Variants in ARL15 observed in about 807,000 individuals in gnomAD.
ARL15 encodes ADP-ribosylation factor-like protein 15.
Under a neutral mutation model 25.2 loss-of-function variants are expected in ARL15, and 19 were observed. That is an observed-to-expected ratio of 0.75 (90% CI 0.53 to 1.10). The LOEUF (loss-of-function observed/expected upper bound fraction) is 1.10. Among genes scored for constraint, ARL15 ranks in the 50% least tolerant of loss-of-function variants. ARL15 has a pLI of 0.00. For synonymous variants in ARL15, 94 were observed against 86.8 expected, an observed-to-expected ratio of 1.08 and a Z score of -0.46; for missense variants, 220 against 246.0, an observed-to-expected ratio of 0.89 and a Z score of 0.71.
chr5:54,052,651 C>T (rs1482383581), intron 4 of ARL15, among the ~76,000 whole-genome samples: 1 of 152,064 alleles, frequency 6.6e-6, no homozygotes, highest in Non-Finnish European at 1.5e-5. Flanking sequence ...TGAATTAGAG[C>T]TGAAGACCTC....
At chr5:54,065,678 GCAAA>G (rs144772438) in intron 4 of ARL15, among the ~76,000 whole-genome samples, 43,412 of 151,294 alleles carry the variant, frequency 0.29, 8,497 homozygotes, top group African/African-American at 0.56. Flanking sequence ...AAACAAACAA[GCAAA>G]CAAACAAACA....
At chr5:54,080,408 G>A (rs1294767735) in intron 4 of ARL15, among the ~76,000 whole-genome samples, 1 of 152,138 alleles carries the variant, frequency 6.6e-6, no homozygotes, top group Non-Finnish European at 1.5e-5. Flanking sequence ...TTTCTTCAAA[G>A]ATGCCTTTGG....
intron 1 of ARL15, among the ~76,000 whole-genome samples, chr5:54,190,230 A>C (rs1184942858): frequency 2.0e-5 from 3 of 152,126 alleles, no homozygotes; most frequent in Admixed American, 1.3e-4. Context: ...GTTTCTACTA[A>C]AGATACAAAA....
chr5:54,033,820 G>T (rs977067028), intron 4 of ARL15, among the ~76,000 whole-genome samples: 10 of 152,078 alleles, frequency 6.6e-5, no homozygotes. Context: ...TACAAGGACT[G>T]TCTTTTTTAT....
chr5:53,938,045 T>C (rs1317584810), intron 4 of ARL15, among the ~76,000 whole-genome samples: 1 of 152,178 alleles, frequency 6.6e-6, no homozygotes, highest in African/African-American at 2.4e-5. Flanking sequence ...TACATCATAC[T>C]AAAATGCTCA....
chr5:54,076,203 T>G (rs1376668570), intron 4 of ARL15, among the ~76,000 whole-genome samples: 1 of 151,670 alleles, frequency 6.6e-6, no homozygotes, highest in Admixed American at 6.6e-5. Flanking sequence ...GATCACGAGG[T>G]CAGGAGATCG....
At chr5:54,064,468 T>C (rs1337017797) in intron 4 of ARL15, among the ~76,000 whole-genome samples, 1 of 152,138 alleles carries the variant, frequency 6.6e-6, no homozygotes, top group Non-Finnish European at 1.5e-5. Flanking sequence ...TAACCACATA[T>C]AACAATGGAA....
chr5:54,295,533 C>T (rs1204573247), intron 1 of ARL15, among the ~76,000 whole-genome samples: 3 of 152,030 alleles, frequency 2.0e-5, no homozygotes, highest in Non-Finnish European at 4.4e-5. Context: ...GGAGCAATCG[C>T]GTGATCACAT....
chr5:54,143,105 T>C (rs1753815988), intron 3 of ARL15, among the ~76,000 whole-genome samples: 1 of 152,194 alleles, frequency 6.6e-6, no homozygotes, highest in Non-Finnish European at 1.5e-5. Context: ...TATAAAAATA[T>C]ACAATTATCA....
intron 3 of ARL15, among the ~76,000 whole-genome samples, chr5:54,152,271 A>C (rs1754089001): frequency 6.6e-6 from 1 of 152,180 alleles, no homozygotes; most frequent in Non-Finnish European, 1.5e-5. Flanking sequence ...CCCTAAGTGC[A>C]CATACACCTT....
intron 4 of ARL15, among the ~76,000 whole-genome samples, chr5:54,099,678 T>C (rs1337704303): frequency 6.6e-6 from 1 of 152,040 alleles, no homozygotes; most frequent in Non-Finnish European, 1.5e-5. Flanking sequence ...TTATGGAACA[T>C]TAACTCATTC....
intron 4 of ARL15, among the ~76,000 whole-genome samples, chr5:53,892,027 C>T (rs895583140): frequency 7.9e-5 from 12 of 152,102 alleles, no homozygotes; most frequent in Admixed American, 2.0e-4. Context: ...TTTTTAGTGA[C>T]CATAAAAGAC....
chr5:54,173,986 T>A (rs958329356), intron 1 of ARL15, among the ~76,000 whole-genome samples: 8 of 152,160 alleles, frequency 5.3e-5, no homozygotes, highest in African/African-American at 1.9e-4. Context: ...CATCCCATCC[T>A]CAGGGCAGTC....
chr5:54,072,055 C>G (rs930335911), intron 4 of ARL15, among the ~76,000 whole-genome samples: 1 of 151,652 alleles, frequency 6.6e-6, no homozygotes, highest in Non-Finnish European at 1.5e-5. Context: ...AAATAGACAT[C>G]CCACACCCAC....
chr5:54,088,737 T>G (rs1002500817), intron 4 of ARL15, among the ~76,000 whole-genome samples: 1 of 152,210 alleles, frequency 6.6e-6, no homozygotes, highest in African/African-American at 2.4e-5. Flanking sequence ...CTTTTCATAC[T>G]GTAAGTGTTC....
chr5:53,975,138 C>T (rs1454485122), intron 4 of ARL15, among the ~76,000 whole-genome samples: 2 of 152,182 alleles, frequency 1.3e-5, no homozygotes, highest in African/African-American at 4.8e-5. Context: ...ACTCCTACAA[C>T]CTCAGTCTTT....
chr5:54,219,777 C>T (rs771618040), intron 1 of ARL15, among the ~76,000 whole-genome samples: 1 of 152,070 alleles, frequency 6.6e-6, no homozygotes, highest in Non-Finnish European at 1.5e-5. Flanking sequence ...ATCACACTTC[C>T]AAAAATCACA....
At chr5:54,098,178 T>G (rs1052096634) in intron 4 of ARL15, among the ~76,000 whole-genome samples, 1 of 152,154 alleles carries the variant, frequency 6.6e-6, no homozygotes, top group Admixed American at 6.5e-5. Flanking sequence ...TTTCCTGCAA[T>G]TCAAAGGTAA....
rs1254774552 is a variant in ARL15 at position 54,280,974 on chromosome 5, GA to G, written c.48+29457del. ...TTGGGTCAACTGACACAGGCTGGTGGAAAAAAAAAAAAAACCTCAAACATCT... is the reference window on the plus strand; with the variant it reads ...TTGGGTCAACTGACACAGGCTGGTGGAAAAAAAAAAAAACCTCAAACATCT... On this transcript the variant is annotated intron_variant, in intron 1 of 4. Transcript: ENST00000504924. Among the ~76,000 whole-genome samples, 432 of 130,630 alleles carry G rather than the reference GA, an allele frequency of 3.3e-3. 5 individuals carry two copies. Among genetic ancestry groups the G allele is most frequent in the Admixed American group, 0.013 (171 of 12,938 alleles). 85.7% of individuals were successfully genotyped at this position (130,630 alleles called of 152,430 possible). A position where few individuals can be genotyped will look rare whatever the true frequency, so the allele number is the denominator to read the frequency against.
Sources: allele counts gnomAD v4.1 joint callset (sites outside exome capture counted in the v4.1 genomes callset), GRCh38; gene constraint gnomAD v4.1.1; transcripts MANE v1.5; gene names NCBI Gene and HGNC (gene_info 2026-07-23, HGNC 2026-07-21).